Variants in GLB1L3 observed in about 807,000 individuals in gnomAD.
GLB1L3 encodes beta-galactosidase-1-like protein 3.
GLB1L3 carries 89 observed loss-of-function variants against 89.5 expected under a neutral mutation model. The ratio of observed to expected loss-of-function variants is 0.99; its 90% CI spans 0.84 to 1.19. The LOEUF is 1.19. Among genes scored for constraint, GLB1L3 ranks in the 50% most tolerant of loss-of-function variants. The probability of loss-of-function intolerance (pLI) is 0.00; values close to 1 mark genes in which losing one functional copy is unlikely to be tolerated. For synonymous variants in GLB1L3, 314 were observed against 312.3 expected (o/e 1.01, Z -0.06); for missense variants, 812 against 813.3 (o/e 1.00, Z 0.02).
rs1404376145 is a variant in GLB1L3 at position 134,314,377 on chromosome 11, C to T, written c.1715C>T (p.Pro572Leu). ...WKPVPDSHQG[P>L]AFYCGTLKAG... Reference sequence around the variant, plus strand: ...CCTGTCCCAGACAGCCACCAGGGCCCGGCCTTCTACTGTGGGACCTTGAAG... The same window carrying T: ...CCTGTCCCAGACAGCCACCAGGGCCTGGCCTTCTACTGTGGGACCTTGAAG... Residue 572 changes from proline to leucine, a missense_variant, in exon 18 of 20, where the codon CCG (proline) becomes CTG (leucine). By Grantham distance (98) the Pro-to-Leu change is moderately conservative. This residue lies in a region of GLB1L3 where 618 missense variants were observed against 604.0 expected (regional missense o/e 1.02). Coordinates refer to ENST00000431683, the MANE Select transcript of GLB1L3 (RefSeq NM_001080407.3). 1.2e-5 allele frequency: 19 copies of T among 1,551,406 alleles called. No individual in the cohort carries two copies. The highest frequency in any genetic ancestry group is 7.3e-5 in the East Asian group (3 of 40,930).
downstream of GLB1L3, among the ~76,000 whole-genome samples, chr11:134,322,377 T>A (rs1380862235): frequency 1.3e-5 from 2 of 152,212 alleles, no homozygotes; most frequent in African/African-American, 4.8e-5. Flanking sequence ...GAGAAACGTT[T>A]GTTCTACTTA....
chr11:134,280,229 C>G (rs1203142298), intron 3 of GLB1L3, among the ~76,000 whole-genome samples: 2 of 151,536 alleles, frequency 1.3e-5, no homozygotes, highest in Non-Finnish European at 2.9e-5. Flanking sequence ...AATTTGTTTG[C>G]ATTTATCTTG....
chr11:134,318,598 A>G lies in GLB1L3; in HGVS notation c.1780-33A>G, dbSNP rs368370042. 3.6e-6 allele frequency: 5 copies of G among 1,395,750 alleles called. No homozygotes were observed. The African/African-American group carries it at 4.2e-5, about 12-fold the overall frequency. 86.5% of individuals were successfully genotyped at this position (1,395,750 alleles called of 1,614,324 possible). A position where few individuals can be genotyped will look rare whatever the true frequency, so the allele number is the denominator to read the frequency against. On this transcript the variant is annotated intron_variant, in intron 18 of 19. Transcript: ENST00000431683. ...AGGTTTTACCTTGCTAATGTGAACCAATTTCCAAATCTCAAGCCACCATTC... is the reference window on the plus strand; with the variant it reads ...AGGTTTTACCTTGCTAATGTGAACCGATTTCCAAATCTCAAGCCACCATTC...
intron 9 of GLB1L3, among the ~76,000 whole-genome samples, chr11:134,295,750 G>A (rs1028339274): frequency 6.6e-6 from 1 of 152,088 alleles, no homozygotes; most frequent in African/African-American, 2.4e-5. Context: ...TATTTATGCT[G>A]TAAATTTCTC....
Position 134,312,771 on chromosome 11 carries a change from T to C in GLB1L3, c.1429-45T>C, listed in dbSNP as rs758874248. 15 of 1,518,438 alleles carry C rather than the reference T, an allele frequency of 9.9e-6. No homozygotes were observed. In the East Asian group the frequency reaches 3.0e-4, roughly 30 times the overall value. The allele number at this position is 1,518,438 out of a possible 1,614,324, so 94.1% of individuals were successfully genotyped here. A position where few individuals can be genotyped will look rare whatever the true frequency, so the allele number is the denominator to read the frequency against. ...GAAACCGCGGCCTCTCTTCTCCCTT[T>C]CTTCGGGTGGGCCTAGCAGTCTGAC... On this transcript the variant is annotated intron_variant, in intron 14 of 19. Transcript: ENST00000431683.
rs1942265146 is a variant in GLB1L3, at chr11:134,307,706, A to G, written c.961+498A>G. 2.6e-5 allele frequency among the ~76,000 whole-genome samples: 4 copies of G among 152,192 alleles called. No homozygotes were observed. The South Asian group carries it at 8.3e-4, about 32-fold the overall frequency. On this transcript the variant is annotated intron_variant, in intron 10 of 19. Coordinates refer to ENST00000431683, the MANE Select transcript of GLB1L3 (RefSeq NM_001080407.3). Reference sequence around the variant, plus strand: ...GCCAAGAGCATGGATCTTGGAGCCAAAGAGATCAGGTTTTAATCTCAGCTC... The same window carrying G: ...GCCAAGAGCATGGATCTTGGAGCCAGAGAGATCAGGTTTTAATCTCAGCTC...
chr11:134,321,276 AT>A (rs1330426803), downstream of GLB1L3, among the ~76,000 whole-genome samples: 51 of 152,234 alleles, frequency 3.4e-4, no homozygotes, highest in Non-Finnish European at 1.3e-4. Flanking sequence ...TTCCTAGTTA[AT>A]AAACTAAGCT....
intron 13 of GLB1L3, chr11:134,312,138 T>C (rs1942762852): frequency 1.8e-6 from 1 of 564,986 alleles, no homozygotes; most frequent in Non-Finnish European, 3.1e-6. Context: ...TAACGATTGC[T>C]CCCTCATCAC....
In GLB1L3 at chr11:134,312,977, C is replaced by T; in HGVS notation, c.1500+90C>T. ...TGAGACAGTCAGCCTCCCTTCTCCA[C>T]CCCTGCTGCTGGTGCTGCTGCTCAC... On this transcript the variant is annotated intron_variant, in intron 15 of 19. Transcript: ENST00000431683. 3 of 906,432 alleles carry T rather than the reference C, an allele frequency of 3.3e-6. No homozygotes were observed. The South Asian group carries it at 4.2e-5, about 13-fold the overall frequency. 56.1% of individuals were successfully genotyped at this position (906,432 alleles called of 1,614,324 possible).
chr11:134,308,235 C>T (rs866953564), intron 10 of GLB1L3, among the ~76,000 whole-genome samples: 580 of 27,604 alleles, frequency 0.021, 72 homozygotes, highest in African/African-American at 0.073. Flanking sequence ...ACCACCACCA[C>T]CATCACCATC....
chr11:134,277,616 C>T, intron 2 of GLB1L3, 84 bp from the exon 3 acceptor site: 2 of 1,524,730 alleles, frequency 1.3e-6, no homozygotes, highest in Non-Finnish European at 9.0e-7. Context: ...AACTTCTTTT[C>T]GCTAGGGTTT....
At chr11:134,312,683 C>A in intron 14 of GLB1L3, 133 bp from the exon 15 acceptor site, 1 of 951,800 alleles carries the variant, frequency 1.1e-6, no homozygotes, top group Non-Finnish European at 1.6e-6. Context: ...GGCCTCCAGG[C>A]AGCTTCATGC....
intron 5 of GLB1L3, among the ~76,000 whole-genome samples, chr11:134,282,450 C>T (rs1940754002): frequency 6.6e-6 from 1 of 152,168 alleles, no homozygotes; most frequent in Non-Finnish European, 1.5e-5. Flanking sequence ...GCAGGAGGGG[C>T]TGTAGCCTCC....
At chr11:134,323,112 A>G (rs1943185756), downstream of GLB1L3, among the ~76,000 whole-genome samples, 1 of 152,178 alleles carries the variant, frequency 6.6e-6, no homozygotes, top group South Asian at 2.1e-4. Flanking sequence ...CAGCCATCCT[A>G]GTGAGTATGA....
intron 10 of GLB1L3, among the ~76,000 whole-genome samples, chr11:134,308,357 T>TACC (rs762722221): frequency 0.054 from 615 of 11,436 alleles, 80 homozygotes; most frequent in Non-Finnish European, 0.067. Context: ...CCATCACCAC[T>TACC]ACCACCACCA....
At chr11:134,291,080 C>T (rs973822500) in intron 7 of GLB1L3, among the ~76,000 whole-genome samples, 1 of 152,092 alleles carries the variant, frequency 6.6e-6, no homozygotes, top group Non-Finnish European at 1.5e-5. Context: ...TGAATTCAAA[C>T]CCGTGTCTAG....
intron 3 of GLB1L3, among the ~76,000 whole-genome samples, chr11:134,280,040 C>T (rs1940602670): frequency 6.6e-6 from 1 of 151,874 alleles, no homozygotes; most frequent in Admixed American, 6.6e-5. Context: ...ATGAATGTTT[C>T]TCTGAGTGTT....
intron 7 of GLB1L3, among the ~76,000 whole-genome samples, chr11:134,289,972 G>T (rs1941253640): frequency 1.3e-5 from 2 of 152,238 alleles, no homozygotes; most frequent in African/African-American, 4.8e-5. Context: ...CCTGTGCGGA[G>T]ACCTCTGGCT....
At chr11:134,284,119 A>T (rs1021566534) in intron 6 of GLB1L3, among the ~76,000 whole-genome samples, 2 of 152,316 alleles carry the variant, frequency 1.3e-5, no homozygotes, top group Admixed American at 1.3e-4. Context: ...CAAGCTTGCC[A>T]ATCTTCCCAT....
Sources: gnomAD v4.1 joint callset for allele counts (sites outside exome capture counted in the v4.1 genomes callset) on GRCh38, gnomAD v4.1.1 for gene constraint, gnomAD v4.1.1 regional missense constraint, MANE v1.5 for transcripts, NCBI Gene and HGNC (gene_info 2026-07-23, HGNC 2026-07-21) for gene names.